The following NBEA variants were observed in gnomAD, a reference collection of about 807,000 sequenced individuals.
NBEA encodes the protein lysosomal-trafficking regulator 2.
In NBEA, 44 loss-of-function variants were observed where a neutral mutation model predicts 343.4. That is an observed-to-expected ratio of 0.13 (90% CI 0.10 to 0.16). NBEA has a LOEUF of 0.16. Ranked by LOEUF, NBEA falls within the 10% of genes least tolerant of loss-of-function variation. The probability of loss-of-function intolerance (pLI) is 1.00; values close to 1 mark genes in which losing one functional copy is unlikely to be tolerated. For missense variants in NBEA, 2,555 were observed against 3,631.3 expected, an observed-to-expected ratio of 0.70 and a Z score of 7.62; for synonymous variants, 1,175 against 1,238.7, an observed-to-expected ratio of 0.95 and a Z score of 1.08.
At chr13:35,518,174 G>A (rs1479312892) in intron 41 of NBEA, among the ~76,000 whole-genome samples, 2 of 152,070 alleles carry the variant, frequency 1.3e-5, no homozygotes, top group African/African-American at 4.8e-5. Flanking sequence ...TCCTTGAGAA[G>A]ATACTGCTCT....
At chr13:35,590,685 A>G (rs1488892594) in intron 46 of NBEA, among the ~76,000 whole-genome samples, 1 of 152,036 alleles carries the variant, frequency 6.6e-6, no homozygotes, top group Non-Finnish European at 1.5e-5. Flanking sequence ...TTAATAGGTT[A>G]AAAAACCTAG....
At chr13:34,994,861 A>T (rs536996076) in intron 1 of NBEA, among the ~76,000 whole-genome samples, 1 of 152,300 alleles carries the variant, frequency 6.6e-6, no homozygotes, top group South Asian at 2.1e-4. Flanking sequence ...CTGCTATCTG[A>T]AGTATCTGAC....
At chr13:35,079,647 T>C (rs1050920145) in intron 10 of NBEA, among the ~76,000 whole-genome samples, 1 of 152,192 alleles carries the variant, frequency 6.6e-6, no homozygotes, top group Non-Finnish European at 1.5e-5. Flanking sequence ...TTTTGTCCCA[T>C]ATAGAATGCA....
intron 10 of NBEA, among the ~76,000 whole-genome samples, chr13:35,095,763 G>A (rs2065300913): frequency 6.6e-6 from 1 of 151,788 alleles, no homozygotes; most frequent in Admixed American, 6.6e-5. Context: ...CATACTTTTG[G>A]TCTATGAAGT....
intron 50 of NBEA, 89 bp downstream of exon 50, chr13:35,646,020 C>A: frequency 1.1e-6 from 1 of 873,822 alleles, no homozygotes; most frequent in South Asian, 1.7e-5. Flanking sequence ...CATTTAACCC[C>A]AGCTTCTGGG....
At chr13:35,098,935 G>A (rs1306021578) in intron 11 of NBEA, among the ~76,000 whole-genome samples, 3 of 151,604 alleles carry the variant, frequency 2.0e-5, no homozygotes, top group Admixed American at 6.6e-5. Context: ...ACTGAAAATC[G>A]TATTTATTAT....
chr13:35,653,328 C>CTTTTTT (rs139682136), intron 53 of NBEA, among the ~76,000 whole-genome samples: 1 of 114,032 alleles, frequency 8.8e-6, no homozygotes, highest in Non-Finnish European at 1.8e-5. Flanking sequence ...TTCTTGGGTT[C>CTTTTTT]TTTTTTTTTT....
At chr13:35,529,168 G>A (rs544832741) in intron 41 of NBEA, among the ~76,000 whole-genome samples, 1 of 152,256 alleles carries the variant, frequency 6.6e-6, no homozygotes, top group African/African-American at 2.4e-5. Flanking sequence ...GAGGACACAG[G>A]CTCAGACAGG....
rs1183803976 is a variant in NBEA at position 35,672,357 on chromosome 13, A to T, written c.*1366A>T. 1 of 152,664 alleles carries T rather than the reference A, an allele frequency of 6.6e-6. No individual in the cohort carries two copies. The highest frequency in any genetic ancestry group is 1.9e-4 in the East Asian group (1 of 5,200). The allele number at this position is 152,664 out of a possible 1,614,324, so 9.5% of individuals were successfully genotyped here. A position where few individuals can be genotyped will look rare whatever the true frequency, so the allele number is the denominator to read the frequency against. ...AAGATAATGGGTTCTTTGTATTGGC[A>T]CTTTGCACCAGAAACATATCATTAT... On this transcript the variant is annotated 3_prime_UTR_variant, in exon 59 of 59. Transcript: ENST00000379939.
At position 35,159,795 on chromosome 13, in the gene NBEA, C is replaced by T. The variant is rs1227743678; in HGVS notation, c.3624C>T (p.Phe1208=). Residue 1208 remains phenylalanine, a synonymous_variant, in exon 22 of 59, where the codon TTC becomes TTT. Coordinates refer to ENST00000379939, the MANE Select transcript of NBEA (RefSeq NM_001385012.1). ...CCAGTATAATAGAAGAAAAAGAATT[C>T]AAAATCCATACAACTTCAGATGGAA... ...CTSSIIEEKE[F]KIHTTSDGMS... is the part of the protein sequence containing the mutation. The T allele has an allele frequency of 6.2e-7, 1 of 1,612,026 alleles. No individual in the cohort carries two copies. The highest frequency in any genetic ancestry group is 2.2e-5 in the East Asian group (1 of 44,712).
intron 55 of NBEA, among the ~76,000 whole-genome samples, chr13:35,656,336 G>A (rs150849720): frequency 1.3e-4 from 20 of 152,290 alleles, no homozygotes; most frequent in East Asian, 7.7e-4. Context: ...GGAAGAAAGC[G>A]TTGGGAGAGG....
intron 44 of NBEA, among the ~76,000 whole-genome samples, chr13:35,556,497 A>G (rs1375997794): frequency 6.6e-6 from 1 of 151,712 alleles, no homozygotes; most frequent in East Asian, 1.9e-4. Flanking sequence ...GTCTTATATC[A>G]TCTTGTCTTA....
chr13:35,538,853 G>A (rs1282535868), intron 41 of NBEA, among the ~76,000 whole-genome samples: 4 of 152,152 alleles, frequency 2.6e-5, no homozygotes, highest in Admixed American at 2.6e-4. Flanking sequence ...TTTAATATTA[G>A]TACTCATCGT....
chr13:35,652,340 TAAA>T (rs35238270), intron 53 of NBEA, among the ~76,000 whole-genome samples: 27 of 137,556 alleles, frequency 2.0e-4, no homozygotes, highest in East Asian at 6.4e-4. Context: ...AACTTAAATT[TAAA>T]AAAAAAAAAA....
intron 37 of NBEA, among the ~76,000 whole-genome samples, chr13:35,350,050 A>G (rs1463798364): frequency 2.0e-5 from 3 of 152,264 alleles, no homozygotes; most frequent in African/African-American, 7.2e-5. Context: ...TTAAACTTCG[A>G]TAAAAGTATA....
intron 10 of NBEA, among the ~76,000 whole-genome samples, chr13:35,092,283 G>A (rs542681714): frequency 2.6e-5 from 4 of 152,028 alleles, no homozygotes; most frequent in South Asian, 4.2e-4. Context: ...TATGGGAAAC[G>A]TATAAGGAAA....
At chr13:35,384,714 CG>C (rs1301013960) in intron 38 of NBEA, among the ~76,000 whole-genome samples, 1 of 151,814 alleles carries the variant, frequency 6.6e-6, no homozygotes, top group African/African-American at 2.4e-5. Flanking sequence ...GTTGTAGAGA[CG>C]GGGTTTCACC....
intron 1 of NBEA, among the ~76,000 whole-genome samples, chr13:34,984,345 A>G (rs2060470959): frequency 6.6e-6 from 1 of 152,176 alleles, no homozygotes; most frequent in Non-Finnish European, 1.5e-5. Flanking sequence ...CTCAAAGATC[A>G]GATGGTTGTA....
intron 34 of NBEA, among the ~76,000 whole-genome samples, chr13:35,285,675 T>C (rs915307024): frequency 1.3e-5 from 2 of 152,192 alleles, no homozygotes; most frequent in Non-Finnish European, 2.9e-5. Flanking sequence ...TGTCACCATC[T>C]TGAGCTCAAG....
Sources: gnomAD v4.1 joint callset for allele counts (sites outside exome capture counted in the v4.1 genomes callset) on GRCh38, gnomAD v4.1.1 for gene constraint, MANE v1.5 for transcripts, NCBI Gene and HGNC (gene_info 2026-07-23, HGNC 2026-07-21) for gene names.